The following BTBD9 variants were observed in gnomAD, a reference collection of about 807,000 sequenced individuals.
BTBD9 encodes BTB domain containing 9, also known as BTB/POZ domain-containing protein 9.
In BTBD9, 49 loss-of-function variants were observed where a neutral mutation model predicts 64.3. The ratio of observed to expected loss-of-function variants is 0.76; its 90% CI spans 0.61 to 0.97. The LOEUF is 0.97. BTBD9 is among the 50% of genes least tolerant of loss of function. The probability of loss-of-function intolerance (pLI) is 0.00; values close to 1 mark genes in which losing one functional copy is unlikely to be tolerated. For synonymous variants in BTBD9, 260 were observed against 274.7 expected (o/e 0.95, Z 0.53); for missense variants, 598 against 762.1 (o/e 0.78, Z 2.53).
intron 6 of BTBD9, among the ~76,000 whole-genome samples, chr6:38,480,070 G>A (rs888542042): frequency 9.9e-5 from 15 of 152,102 alleles, no homozygotes; most frequent in Admixed American, 5.9e-4. Context: ...TCTATAGACT[G>A]CTAAGAGAAA....
intron 1 of BTBD9, among the ~76,000 whole-genome samples, chr6:38,636,168 T>G (rs574307180): frequency 7.2e-5 from 11 of 152,332 alleles, no homozygotes; most frequent in Non-Finnish European, 1.6e-4. Flanking sequence ...AGCCTAGGCT[T>G]AGAGAAGTTA....
At chr6:38,433,741 T>A (rs1434498121) in intron 6 of BTBD9, among the ~76,000 whole-genome samples, 1 of 152,000 alleles carries the variant, frequency 6.6e-6, no homozygotes, top group Non-Finnish European at 1.5e-5. Flanking sequence ...ACATCTACCA[T>A]GTTTTATTTT....
intron 6 of BTBD9, among the ~76,000 whole-genome samples, chr6:38,449,735 T>A (rs931861925): frequency 8.6e-5 from 13 of 151,638 alleles, no homozygotes; most frequent in African/African-American, 2.7e-4. Context: ...TGAGACCTCA[T>A]CTCTATTTTT....
chr6:38,411,690 C>G (rs1349708911), intron 6 of BTBD9, among the ~76,000 whole-genome samples: 1 of 151,994 alleles, frequency 6.6e-6, no homozygotes, highest in African/African-American at 2.4e-5. Context: ...AATCCCAGCA[C>G]TTTCGGAGGC....
chr6:38,219,646 A>C (rs1359030651), intron 9 of BTBD9, among the ~76,000 whole-genome samples: 2 of 152,186 alleles, frequency 1.3e-5, no homozygotes, highest in Non-Finnish European at 2.9e-5. Context: ...AGAATAAATA[A>C]AGCCAGATGG....
chr6:38,193,050 T>C (rs1034217094), intron 9 of BTBD9, among the ~76,000 whole-genome samples: 1 of 134,532 alleles, frequency 7.4e-6, no homozygotes, highest in Non-Finnish European at 1.7e-5. Flanking sequence ...GAACTTGGAG[T>C]ATAATAATAA....
intron 7 of BTBD9, among the ~76,000 whole-genome samples, chr6:38,325,529 C>T (rs891667960): frequency 2.0e-4 from 30 of 152,080 alleles, no homozygotes; most frequent in African/African-American, 6.8e-4. Context: ...ACTAAAAATA[C>T]AAAGAATTAG....
At chr6:38,245,058 G>C (rs534489146) in intron 9 of BTBD9, among the ~76,000 whole-genome samples, 9 of 152,318 alleles carry the variant, frequency 5.9e-5, no homozygotes, top group African/African-American at 1.9e-4. Flanking sequence ...ACTGGAGACA[G>C]AGCAATGGCA....
intron 1 of BTBD9, among the ~76,000 whole-genome samples, chr6:38,628,966 G>C (rs961604144): frequency 1.3e-5 from 2 of 151,998 alleles, no homozygotes; most frequent in Non-Finnish European, 2.9e-5. Context: ...AAGAATCAAG[G>C]GGACATGATA....
chr6:38,447,966 C>A (rs929327677), intron 6 of BTBD9, among the ~76,000 whole-genome samples: 1 of 152,200 alleles, frequency 6.6e-6, no homozygotes, highest in Non-Finnish European at 1.5e-5. Flanking sequence ...TAAAACGGAT[C>A]TCTGGACCTA....
At chr6:38,563,914 TG>T (rs1298396919) in intron 6 of BTBD9, among the ~76,000 whole-genome samples, 1 of 151,870 alleles carries the variant, frequency 6.6e-6, no homozygotes, top group Non-Finnish European at 1.5e-5. Flanking sequence ...CCCGAGTAGC[TG>T]GGACTACAGG....
intron 6 of BTBD9, chr6:38,565,943 T>A (rs1775474051): frequency 2.0e-5 from 3 of 152,174 alleles, no homozygotes; most frequent in Admixed American, 6.5e-5. Context: ...TTTAAAAGGA[T>A]AAAGTAGGTT....
intron 6 of BTBD9, among the ~76,000 whole-genome samples, chr6:38,382,104 T>G (rs1765959264): frequency 6.6e-6 from 1 of 151,948 alleles, no homozygotes; most frequent in Non-Finnish European, 1.5e-5. Flanking sequence ...CTTCAACAAT[T>G]AGGGGAAGGC....
At chr6:38,345,145 C>G in intron 6 of BTBD9, 52 bp from the exon 7 acceptor site, 2 of 1,209,532 alleles carry the variant, frequency 1.7e-6, no homozygotes, top group Non-Finnish European at 2.4e-6. Flanking sequence ...CCACCACAAC[C>G]AATCCAAGGA....
chr6:38,175,734 T>A (rs1391369013), intron 10 of BTBD9, among the ~76,000 whole-genome samples: 1 of 152,152 alleles, frequency 6.6e-6, no homozygotes, highest in African/African-American at 2.4e-5. Context: ...CCAGTCTGAG[T>A]GCATGTGAAT....
At chr6:38,495,668 C>A (rs560711056) in intron 6 of BTBD9, among the ~76,000 whole-genome samples, 1 of 150,116 alleles carries the variant, frequency 6.7e-6, no homozygotes, top group Non-Finnish European at 1.5e-5. Flanking sequence ...GAACTCTATA[C>A]AGCAGTTAGA....
At chr6:38,251,699 T>C (rs1041440772) in intron 9 of BTBD9, among the ~76,000 whole-genome samples, 2 of 152,112 alleles carry the variant, frequency 1.3e-5, no homozygotes, top group African/African-American at 2.4e-5. Flanking sequence ...AAGACTAGCC[T>C]GGCCAACATG....
At chr6:38,373,374 T>A (rs1765504837) in intron 6 of BTBD9, among the ~76,000 whole-genome samples, 1 of 152,250 alleles carries the variant, frequency 6.6e-6, no homozygotes. Flanking sequence ...AATATAAGAA[T>A]TATGATTAAA....
intron 6 of BTBD9, among the ~76,000 whole-genome samples, chr6:38,529,104 C>A (rs2127427609): frequency 6.6e-6 from 1 of 152,220 alleles, no homozygotes; most frequent in South Asian, 2.1e-4. Flanking sequence ...TACAAGCTGA[C>A]TGAGAAGCCC....
Sources: gnomAD v4.1 joint callset for allele counts (sites outside exome capture counted in the v4.1 genomes callset) on GRCh38, gnomAD v4.1.1 for gene constraint, MANE v1.5 for transcripts, NCBI Gene and HGNC (gene_info 2026-07-23, HGNC 2026-07-21) for gene names.